Variants in LATS2 observed in about 807,000 individuals in gnomAD.
The protein encoded by LATS2 is serine/threonine-protein kinase LATS2.
A neutral mutation model predicts 76.0 loss-of-function variants in LATS2; 24 were observed. The observed-to-expected ratio is 0.32, with a 90% CI of 0.23 to 0.44. The LOEUF (loss-of-function observed/expected upper bound fraction) is 0.44. LATS2 is among the 20% of genes least tolerant of loss of function. LATS2 has a pLI of 1.00. For missense variants in LATS2, 1,286 were observed against 1,481.2 expected, an observed-to-expected ratio of 0.87 and a Z score of 2.16; for synonymous variants, 692 against 635.4, an observed-to-expected ratio of 1.09 and a Z score of -1.34.
intron 1 of LATS2, among the ~76,000 whole-genome samples, chr13:21,047,519 C>G (rs1391067767): frequency 2.6e-5 from 4 of 152,200 alleles, no homozygotes; most frequent in African/African-American, 9.7e-5. Context: ...CCCCCTTACT[C>G]CACAGAACTC....
intron 2 of LATS2, among the ~76,000 whole-genome samples, chr13:21,014,109 A>C (rs1456117094): frequency 1.3e-5 from 2 of 152,128 alleles, no homozygotes; most frequent in East Asian, 3.8e-4. Context: ...TTAAAATGCC[A>C]AAGAATGTAG....
At chr13:21,021,744 C>T (rs972012378) in intron 2 of LATS2, among the ~76,000 whole-genome samples, 1 of 152,204 alleles carries the variant, frequency 6.6e-6, no homozygotes, top group Admixed American at 6.5e-5. Flanking sequence ...AACAGCGAGG[C>T]TAAGAGCATG....
chr13:21,021,023 G>A (rs1466710961), intron 2 of LATS2, among the ~76,000 whole-genome samples: 1 of 152,172 alleles, frequency 6.6e-6, no homozygotes, highest in Admixed American at 6.5e-5. Flanking sequence ...TGCTGTCTGG[G>A]ATTTATTTTA....
intron 1 of LATS2, among the ~76,000 whole-genome samples, chr13:21,052,795 T>A (rs141162267): frequency 6.6e-6 from 1 of 152,154 alleles, no homozygotes; most frequent in Non-Finnish European, 1.5e-5. Context: ...AGGTGCCAGG[T>A]TGGTCAGTTC....
chr13:21,015,444 A>T (rs957986751), intron 2 of LATS2, among the ~76,000 whole-genome samples: 1 of 152,192 alleles, frequency 6.6e-6, no homozygotes, highest in Admixed American at 6.5e-5. Context: ...ATACATAGTT[A>T]AGAACAGCTA....
chr13:21,026,997 G>A (rs1451676953), intron 2 of LATS2, among the ~76,000 whole-genome samples: 2 of 152,178 alleles, frequency 1.3e-5, no homozygotes, highest in African/African-American at 4.8e-5. Flanking sequence ...ATCTTTTCAT[G>A]TGCTTATTTG....
intron 4 of LATS2, among the ~76,000 whole-genome samples, chr13:20,987,224 T>TA (rs11434989): frequency 0.68 from 88,488 of 129,954 alleles, 26,183 homozygotes; most frequent in East Asian, 0.81. Context: ...AAAATAAAAA[T>TA]AAAAAAAACA....
At chr13:21,027,316 T>A (rs920697662) in intron 2 of LATS2, among the ~76,000 whole-genome samples, 3 of 152,202 alleles carry the variant, frequency 2.0e-5, no homozygotes, top group African/African-American at 7.2e-5. Flanking sequence ...ATCCTATGCT[T>A]TTTTCCCCAA....
intron 4 of LATS2, among the ~76,000 whole-genome samples, chr13:20,986,419 C>T (rs949485296): frequency 6.6e-6 from 1 of 152,084 alleles, no homozygotes; most frequent in Non-Finnish European, 1.5e-5. Context: ...CTGTGTACAC[C>T]ATGGGATACT....
intron 2 of LATS2, among the ~76,000 whole-genome samples, chr13:21,031,865 T>A (rs1872539898): frequency 6.6e-6 from 1 of 152,126 alleles, no homozygotes; most frequent in Non-Finnish European, 1.5e-5. Flanking sequence ...AAAAAAAAAT[T>A]TTCTGTCTGT....
intron 2 of LATS2, among the ~76,000 whole-genome samples, chr13:21,037,199 G>A (rs769805312): frequency 6.6e-6 from 1 of 152,204 alleles, no homozygotes; most frequent in Non-Finnish European, 1.5e-5. Context: ...GAGGTCAGGA[G>A]TTCTAGACCA....
At chr13:21,005,863 C>T (rs1165556116) in intron 2 of LATS2, among the ~76,000 whole-genome samples, 2 of 151,090 alleles carry the variant, frequency 1.3e-5, no homozygotes, top group African/African-American at 4.9e-5. Context: ...CTATTAATCC[C>T]AGTACTTTGG....
At chr13:21,028,560 T>C (rs903396971) in intron 2 of LATS2, among the ~76,000 whole-genome samples, 2 of 152,214 alleles carry the variant, frequency 1.3e-5, no homozygotes, top group East Asian at 1.9e-4. Flanking sequence ...TAAATACTAC[T>C]GTAAATGAAA....
chr13:20,984,498 T>C (rs1220617817), intron 4 of LATS2, among the ~76,000 whole-genome samples: 2 of 152,200 alleles, frequency 1.3e-5, no homozygotes, highest in African/African-American at 4.8e-5. Flanking sequence ...GATAGACTTG[T>C]ATATGGTGAG....
chr13:20,974,945 T>A lies in LATS2; in HGVS notation c.3192A>T (p.Ser1064=), dbSNP rs749334072. The A allele has an allele frequency of 1.9e-6, 3 of 1,614,178 alleles. No individual in the cohort carries two copies. Among genetic ancestry groups the A allele is most frequent in the Non-Finnish European group, 2.5e-6 (3 of 1,180,028 alleles). The change falls in exon 8 of 8, where the codon TCA becomes TCT. Residue 1064 remains serine, a synonymous_variant. Transcript: ENST00000382592. ...TTTCTAAATCTGAGCTCTCAGCCTG[T>A]GAAGCTTCTGCTCCTGAAGGCTTTG... ...RCPKPSGAEA[S]QAESSDLESS...
intron 7 of LATS2, among the ~76,000 whole-genome samples, chr13:20,978,805 A>T (rs1869742469): frequency 6.6e-6 from 1 of 152,140 alleles, no homozygotes; most frequent in Non-Finnish European, 1.5e-5. Context: ...TCTGTCACCC[A>T]GGCTGGACTG....
At chr13:21,021,632 G>A (rs1872070354) in intron 2 of LATS2, among the ~76,000 whole-genome samples, 1 of 152,044 alleles carries the variant, frequency 6.6e-6, no homozygotes, top group Admixed American at 6.6e-5. Flanking sequence ...TGTCAGCATT[G>A]CTCAAAGCTG....
At chr13:20,995,241 T>C (rs1870700980) in intron 2 of LATS2, among the ~76,000 whole-genome samples, 1 of 152,244 alleles carries the variant, frequency 6.6e-6, no homozygotes, top group African/African-American at 2.4e-5. Flanking sequence ...GTAGATTTTA[T>C]GCATGTTTGA....
At chr13:20,979,448 C>T (rs931055951) in intron 7 of LATS2, among the ~76,000 whole-genome samples, 3 of 151,924 alleles carry the variant, frequency 2.0e-5, no homozygotes, top group Non-Finnish European at 4.4e-5. Context: ...GGCAGATGGC[C>T]AAGGGTTTAA....
Sources: allele counts gnomAD v4.1 joint callset (sites outside exome capture counted in the v4.1 genomes callset), GRCh38; gene constraint gnomAD v4.1.1; transcripts MANE v1.5; gene names NCBI Gene and HGNC (gene_info 2026-07-23, HGNC 2026-07-21).